The following MAN1A1 variants were observed in gnomAD, a reference collection of about 807,000 sequenced individuals.
MAN1A1 encodes the protein mannosyl-oligosaccharide 1,2-alpha-mannosidase IA.
A neutral mutation model predicts 70.8 loss-of-function variants in MAN1A1; 29 were observed. That is an observed-to-expected ratio of 0.41 (90% confidence interval 0.31 to 0.56). The LOEUF is 0.56. Ranked by LOEUF, MAN1A1 falls within the 20% of genes least tolerant of loss-of-function variation. The pLI, the probability that MAN1A1 is intolerant of heterozygous loss-of-function variation, is 0.29. For synonymous variants in MAN1A1, 349 were observed against 330.1 expected (o/e 1.06, Z -0.62); for missense variants, 747 against 841.3 (o/e 0.89, Z 1.39).
intron 8 of MAN1A1, among the ~76,000 whole-genome samples, chr6:119,199,318 C>A (rs1773653966): frequency 6.6e-6 from 1 of 152,148 alleles, no homozygotes; most frequent in Non-Finnish European, 1.5e-5. Flanking sequence ...GACTACCTAG[C>A]CTAAATAATC....
At chr6:119,326,268 G>A (rs997118051) in intron 2 of MAN1A1, among the ~76,000 whole-genome samples, 1 of 152,168 alleles carries the variant, frequency 6.6e-6, no homozygotes, top group African/African-American at 2.4e-5. Context: ...ACATAAGCAG[G>A]CCGAGCTGTG....
chr6:119,344,942 A>G (rs1773686948), intron 2 of MAN1A1, among the ~76,000 whole-genome samples: 1 of 152,166 alleles, frequency 6.6e-6, no homozygotes. Context: ...GCAGGGTCCT[A>G]AAGCCTTACA....
intron 11 of MAN1A1, among the ~76,000 whole-genome samples, chr6:119,183,692 T>C (rs1197992556): frequency 6.6e-6 from 1 of 152,114 alleles, no homozygotes; most frequent in East Asian, 1.9e-4. Flanking sequence ...GGAGTTGCTT[T>C]TGGGGTGGAC....
intron 2 of MAN1A1, among the ~76,000 whole-genome samples, chr6:119,342,485 C>T (rs1446015131): frequency 6.6e-6 from 1 of 152,172 alleles, no homozygotes; most frequent in East Asian, 1.9e-4. Flanking sequence ...AAAGTGGGTA[C>T]TATTAACCTC....
chr6:119,203,818 T>C (rs1773783777), intron 7 of MAN1A1, among the ~76,000 whole-genome samples: 1 of 152,032 alleles, frequency 6.6e-6, no homozygotes, highest in Non-Finnish European at 1.5e-5. Context: ...AGTGGAGATG[T>C]TTAATAAACA....
intron 5 of MAN1A1, among the ~76,000 whole-genome samples, chr6:119,275,094 G>T (rs979234627): frequency 6.6e-6 from 1 of 151,654 alleles, no homozygotes; most frequent in Non-Finnish European, 1.5e-5. Flanking sequence ...GATTTCATGG[G>T]CTAGAAGGTT....
At chr6:119,276,195 T>G (rs1776059591) in intron 5 of MAN1A1, among the ~76,000 whole-genome samples, 1 of 152,222 alleles carries the variant, frequency 6.6e-6, no homozygotes, top group African/African-American at 2.4e-5. Flanking sequence ...CGATTTGGCC[T>G]AAAGTAGTCC....
intron 6 of MAN1A1, among the ~76,000 whole-genome samples, chr6:119,207,507 A>G (rs1773900918): frequency 6.6e-6 from 1 of 152,202 alleles, no homozygotes; most frequent in African/African-American, 2.4e-5. Context: ...AGATGAGGAC[A>G]TGGGGCACAC....
At chr6:119,278,306 C>G (rs934090690) in intron 5 of MAN1A1, among the ~76,000 whole-genome samples, 2 of 152,152 alleles carry the variant, frequency 1.3e-5, no homozygotes, top group Admixed American at 1.3e-4. Context: ...AGCTAATTAG[C>G]TGATATTCAT....
chr6:119,185,256 C>G (rs1012511577), intron 11 of MAN1A1, among the ~76,000 whole-genome samples: 1 of 152,140 alleles, frequency 6.6e-6, no homozygotes, highest in Non-Finnish European at 1.5e-5. Context: ...GGCAGACTCA[C>G]AAGTGCTTGA....
intron 5 of MAN1A1, among the ~76,000 whole-genome samples, chr6:119,279,322 C>T (rs974222124): frequency 2.0e-5 from 3 of 152,188 alleles, no homozygotes; most frequent in Non-Finnish European, 2.9e-5. Context: ...ATGGTCTATA[C>T]ATTCAATAAA....
chr6:119,322,058 A>C (rs2114477891), intron 2 of MAN1A1, among the ~76,000 whole-genome samples: 1 of 152,264 alleles, frequency 6.6e-6, no homozygotes, highest in African/African-American at 2.4e-5. Context: ...ATTCCCTAAG[A>C]GATTCAGTTG....
At chr6:119,300,408 A>T in intron 4 of MAN1A1, among the ~76,000 whole-genome samples, 1 of 151,368 alleles carries the variant, frequency 6.6e-6, no homozygotes. Flanking sequence ...GGCACACACC[A>T]CCATGCCTGG....
At chr6:119,225,907 A>G (rs1326365138) in intron 6 of MAN1A1, among the ~76,000 whole-genome samples, 1 of 152,242 alleles carries the variant, frequency 6.6e-6, no homozygotes, top group Non-Finnish European at 1.5e-5. Flanking sequence ...AAATACTAGA[A>G]GAACATATTT....
chr6:119,308,778 G>C (rs1383486848), intron 2 of MAN1A1, among the ~76,000 whole-genome samples: 1 of 151,986 alleles, frequency 6.6e-6, no homozygotes, highest in Non-Finnish European at 1.5e-5. Flanking sequence ...ACTACATTTA[G>C]TAAATTCTTC....
chr6:119,325,773 A>C (rs1054812865), intron 2 of MAN1A1, among the ~76,000 whole-genome samples: 1 of 152,240 alleles, frequency 6.6e-6, no homozygotes, highest in African/African-American at 2.4e-5. Context: ...CAAAGGCTTC[A>C]ACAAAAGTCC....
chr6:119,312,253 A>G (rs1772730432), intron 2 of MAN1A1, among the ~76,000 whole-genome samples: 2 of 152,160 alleles, frequency 1.3e-5, no homozygotes, highest in Admixed American at 1.3e-4. Context: ...GCTTTGAAAA[A>G]CAGTGATTTT....
chr6:119,243,328 T>C (rs1775062927), intron 6 of MAN1A1, among the ~76,000 whole-genome samples: 1 of 152,072 alleles, frequency 6.6e-6, no homozygotes. Flanking sequence ...TTTGAAAATA[T>C]AATATACTTC....
chr6:119,201,696 A>G (rs1382932850), intron 7 of MAN1A1, among the ~76,000 whole-genome samples: 1 of 152,200 alleles, frequency 6.6e-6, no homozygotes, highest in Non-Finnish European at 1.5e-5. Flanking sequence ...AGGCAATTTA[A>G]TTCTTGTACA....
Sources: gnomAD v4.1 joint callset for allele counts (sites outside exome capture counted in the v4.1 genomes callset) on GRCh38, gnomAD v4.1.1 for gene constraint, MANE v1.5 for transcripts, NCBI Gene and HGNC (gene_info 2026-07-23, HGNC 2026-07-21) for gene names.